Variants in IQCM observed in about 807,000 individuals in gnomAD.
The protein encoded by IQCM is IQ motif containing M, also known as IQ domain-containing protein M.
IQCM carries 45 observed loss-of-function variants against 57.6 expected under a neutral mutation model. The observed-to-expected ratio is 0.78, with a 90% CI of 0.62 to 1.00. IQCM has a LOEUF of 1.00. Ranked by LOEUF, IQCM falls within the 50% of genes least tolerant of loss-of-function variation. The pLI, the probability that IQCM is intolerant of heterozygous loss-of-function variation, is 0.00. For synonymous variants in IQCM, 148 were observed against 158.9 expected, an observed-to-expected ratio of 0.93 and a Z score of 0.51; for missense variants, 468 against 511.6, an observed-to-expected ratio of 0.91 and a Z score of 0.82.
intron 13 of IQCM, among the ~76,000 whole-genome samples, chr4:149,427,850 T>C (rs1202764818): frequency 6.6e-6 from 1 of 151,880 alleles, no homozygotes; most frequent in Non-Finnish European, 1.5e-5. Flanking sequence ...TGGCAGTGTA[T>C]AGTGGATAAA....
At chr4:149,542,600 C>T (rs1747962751) in intron 12 of IQCM, among the ~76,000 whole-genome samples, 1 of 151,940 alleles carries the variant, frequency 6.6e-6, no homozygotes, top group South Asian at 2.1e-4. Context: ...GCATATAGAT[C>T]ATTATGATAA....
rs539926086 is a variant in IQCM at position 149,423,409 on chromosome 4, C to T, written c.1390+9987G>A. ...ACAAGTAGGGATTACAGGTTCCTCCCACGACACTTGGGGGTTACAATTCGA... is the reference window on the plus strand; with the variant it reads ...ACAAGTAGGGATTACAGGTTCCTCCTACGACACTTGGGGGTTACAATTCGA... On this transcript the variant is annotated intron_variant, in intron 13 of 13. Coordinates refer to ENST00000636793, the MANE Select transcript of IQCM (RefSeq NM_001363507.2). 2.0e-5 allele frequency among the ~76,000 whole-genome samples: 3 copies of T among 152,082 alleles called. No homozygotes were observed. The East Asian group carries it at 5.8e-4, about 30-fold the overall frequency.
At chr4:149,803,672 T>C (rs1773817593) in intron 2 of IQCM, among the ~76,000 whole-genome samples, 1 of 151,904 alleles carries the variant, frequency 6.6e-6, no homozygotes. Flanking sequence ...ACACCTTTAG[T>C]GTGGAGTTTT....
intron 7 of IQCM, among the ~76,000 whole-genome samples, chr4:149,668,812 C>A (rs1351254277): frequency 1.3e-5 from 2 of 152,042 alleles, no homozygotes; most frequent in African/African-American, 2.4e-5. Context: ...TAGAGAAAAT[C>A]AGCAAAACTA....
At chr4:149,398,128 C>T (rs1015464375) in intron 13 of IQCM, among the ~76,000 whole-genome samples, 2 of 151,764 alleles carry the variant, frequency 1.3e-5, no homozygotes, top group Non-Finnish European at 2.9e-5. Flanking sequence ...TCCAGTTTTC[C>T]CAACACCTTT....
At chr4:149,377,900 G>A (rs1730803351) in intron 13 of IQCM, among the ~76,000 whole-genome samples, 1 of 152,080 alleles carries the variant, frequency 6.6e-6, no homozygotes. Context: ...GCCTGATATT[G>A]TTTGGCTGTG....
chr4:149,754,393 G>T (rs1768765029), intron 2 of IQCM, among the ~76,000 whole-genome samples: 1 of 152,030 alleles, frequency 6.6e-6, no homozygotes, highest in African/African-American at 2.4e-5. Context: ...CTTCCCTTTC[G>T]AAATCCAGAG....
chr4:149,623,776 G>A (rs543311085), intron 7 of IQCM, among the ~76,000 whole-genome samples: 1 of 151,016 alleles, frequency 6.6e-6, no homozygotes, highest in Non-Finnish European at 1.5e-5. Context: ...AGAGTAGGCT[G>A]TATATTGATA....
chr4:149,419,931 A>G (rs1345819312), intron 13 of IQCM, among the ~76,000 whole-genome samples: 1 of 152,182 alleles, frequency 6.6e-6, no homozygotes, highest in Non-Finnish European at 1.5e-5. Flanking sequence ...GCAAATCGAA[A>G]CCACAATGAG....
chr4:149,496,443 A>G (rs768343559), intron 12 of IQCM, among the ~76,000 whole-genome samples: 1 of 152,152 alleles, frequency 6.6e-6, no homozygotes, highest in African/African-American at 2.4e-5. Context: ...GGTGAGTCCA[A>G]TAAAATCTCA....
At chr4:149,462,915 C>G (rs1350110363) in intron 12 of IQCM, among the ~76,000 whole-genome samples, 2 of 152,144 alleles carry the variant, frequency 1.3e-5, no homozygotes, top group African/African-American at 4.8e-5. Context: ...GAACAGCACA[C>G]TGGGAGAAAA....
rs574354236 is a variant in IQCM, at chr4:149,714,868, T to C, written c.385+18376A>G. ...GGGCACATATATAGTGTGGATATGC[T>C]GGAGACAGGGAGGATTCTTATCCTG... On this transcript the variant is annotated intron_variant, in intron 5 of 13. Coordinates refer to ENST00000636793, the MANE Select transcript of IQCM (RefSeq NM_001363507.2). Among the ~76,000 whole-genome samples, 24 of 152,300 alleles carry C rather than the reference T, an allele frequency of 1.6e-4. No individual in the cohort carries two copies. In the East Asian group the frequency reaches 4.4e-3, roughly 28 times the overall value.
intron 8 of IQCM, among the ~76,000 whole-genome samples, chr4:149,594,200 C>A (rs768181116): frequency 1.3e-5 from 2 of 152,198 alleles, no homozygotes; most frequent in East Asian, 3.9e-4. Flanking sequence ...GTGTATGTGT[C>A]GAGGAATTTA....
chr4:149,457,192 A>C (rs1418676964), intron 12 of IQCM, among the ~76,000 whole-genome samples: 1 of 152,080 alleles, frequency 6.6e-6, no homozygotes, highest in Non-Finnish European at 1.5e-5. Context: ...CTAGAGTTAC[A>C]AGAAAACTTT....
At chr4:149,671,002 A>T (rs1414962246) in intron 7 of IQCM, among the ~76,000 whole-genome samples, 4 of 151,662 alleles carry the variant, frequency 2.6e-5, no homozygotes, top group Non-Finnish European at 1.5e-5. Flanking sequence ...TGGCCTCATA[A>T]AATGAGCTAA....
At chr4:149,532,090 G>C (rs1277879453) in intron 12 of IQCM, among the ~76,000 whole-genome samples, 1 of 151,922 alleles carries the variant, frequency 6.6e-6, no homozygotes, top group African/African-American at 2.4e-5. Flanking sequence ...GGTGACTCAT[G>C]CTTGGCCGGC....
At chr4:149,388,091 T>G (rs1731550029) in intron 13 of IQCM, among the ~76,000 whole-genome samples, 1 of 152,078 alleles carries the variant, frequency 6.6e-6, no homozygotes, top group African/African-American at 2.4e-5. Flanking sequence ...CTTCAGTTGA[T>G]GGACATTAGG....
At chr4:149,518,802 A>G (rs1012553172) in intron 12 of IQCM, among the ~76,000 whole-genome samples, 1 of 152,166 alleles carries the variant, frequency 6.6e-6, no homozygotes, top group Non-Finnish European at 1.5e-5. Flanking sequence ...GAGAAATGTA[A>G]AAGTCTCAGA....
At chr4:149,614,061 A>G (rs937299661) in intron 8 of IQCM, among the ~76,000 whole-genome samples, 2 of 152,074 alleles carry the variant, frequency 1.3e-5, no homozygotes, top group Non-Finnish European at 1.5e-5. Context: ...ACCTAAACCT[A>G]TGTTTTTTAA....
Sources: gnomAD v4.1 joint callset for allele counts (sites outside exome capture counted in the v4.1 genomes callset) on GRCh38, gnomAD v4.1.1 for gene constraint, MANE v1.5 for transcripts, NCBI Gene and HGNC (gene_info 2026-07-23, HGNC 2026-07-21) for gene names.